Variants in UMAD1 observed in about 807,000 individuals in gnomAD.
UMAD1 encodes UBAP1-MVB12-associated (UMA) domain containing 1.
In UMAD1, 8 loss-of-function variants were observed where a neutral mutation model predicts 6.1. The observed-to-expected ratio is 1.30, with a 90% CI of 0.76 to 2.35. UMAD1 has a LOEUF of 2.35. UMAD1 is among the 30% of genes most tolerant of loss of function. UMAD1 has a pLI of 0.00. For missense variants in UMAD1, 130 were observed against 78.4 expected, an observed-to-expected ratio of 1.66 and a Z score of -2.49; for synonymous variants, 56 against 31.4, an observed-to-expected ratio of 1.78 and a Z score of -2.61.
chr7:7,687,663 G>A (rs996886127), intron 2 of UMAD1, among the ~76,000 whole-genome samples: 2 of 152,146 alleles, frequency 1.3e-5, no homozygotes, highest in African/African-American at 2.4e-5. Flanking sequence ...AACTCTGGTT[G>A]TCAGTTAAAT....
At chr7:7,710,721 G>A (rs994831862) in intron 2 of UMAD1, among the ~76,000 whole-genome samples, 4 of 152,132 alleles carry the variant, frequency 2.6e-5, no homozygotes, top group Non-Finnish European at 4.4e-5. Flanking sequence ...AATTGAAGAC[G>A]TATATGTGCA....
At chr7:7,782,687 G>A (rs942108225) in intron 2 of UMAD1, among the ~76,000 whole-genome samples, 1 of 150,722 alleles carries the variant, frequency 6.6e-6, no homozygotes, top group Non-Finnish European at 1.5e-5. Flanking sequence ...GACCGTCTGT[G>A]CCTACAAGCC....
intron 3 of UMAD1, among the ~76,000 whole-genome samples, chr7:7,847,105 ATATATATATATATAT>A (rs1452296986): frequency 1.3e-3 from 6 of 4,546 alleles, no homozygotes; most frequent in African/African-American, 3.5e-3. Context: ...AAAAAAAAAA[ATATATATATATATAT>A]ATATATATAT....
chr7:7,853,984 C>A lies in UMAD1; in HGVS notation c.157-23297C>A, dbSNP rs137974928. Among the ~76,000 whole-genome samples, 311 of 152,230 alleles carry A rather than the reference C, an allele frequency of 2.0e-3. 1 individual carries two copies. Among genetic ancestry groups the A allele is most frequent in the African/African-American group, 7.2e-3 (301 of 41,532 alleles). On this transcript the variant is annotated intron_variant, in intron 3 of 3. Coordinates refer to ENST00000682710, the MANE Select transcript of UMAD1 (RefSeq NM_001302348.2). ...TTTATCAGGTTGCTGAAGAGCCCTT[C>A]TATTCTTTCTTTGTTGGGTGTATTA... is the stretch of plus-strand genomic sequence containing the variant.
At chr7:7,675,898 G>T (rs1779727377) in intron 2 of UMAD1, among the ~76,000 whole-genome samples, 1 of 152,148 alleles carries the variant, frequency 6.6e-6, no homozygotes, top group Admixed American at 6.5e-5. Context: ...GTCTGCTGAT[G>T]CTTGTCTCTG....
chr7:7,677,890 G>A (rs1779788504), intron 2 of UMAD1, among the ~76,000 whole-genome samples: 1 of 151,224 alleles, frequency 6.6e-6, no homozygotes. Flanking sequence ...AGCCGGGATG[G>A]TCTCGATCTC....
chr7:7,854,724 C>G (rs921117712), intron 3 of UMAD1, among the ~76,000 whole-genome samples: 2 of 152,170 alleles, frequency 1.3e-5, no homozygotes, highest in Admixed American at 6.5e-5. Context: ...CCTCACATTT[C>G]AAAACACAAT....
At chr7:7,856,150 C>A (rs912152652) in intron 3 of UMAD1, among the ~76,000 whole-genome samples, 3 of 152,218 alleles carry the variant, frequency 2.0e-5, no homozygotes, top group African/African-American at 7.2e-5. Context: ...CTGCCCATTA[C>A]CCAATTCCAA....
At chr7:7,676,612 A>G (rs759501852) in intron 2 of UMAD1, among the ~76,000 whole-genome samples, 18 of 152,218 alleles carry the variant, frequency 1.2e-4, no homozygotes, top group Non-Finnish European at 2.6e-4. Flanking sequence ...GTTTTAATAA[A>G]AGAAGGTTGG....
intron 3 of UMAD1, among the ~76,000 whole-genome samples, chr7:7,853,183 T>C (rs1583873899): frequency 6.6e-6 from 1 of 152,352 alleles, no homozygotes; most frequent in South Asian, 2.1e-4. Flanking sequence ...ATTTCATTGA[T>C]CTATATCTCT....
chr7:7,651,191 A>G (rs887392245), intron 1 of UMAD1, among the ~76,000 whole-genome samples: 4 of 152,236 alleles, frequency 2.6e-5, no homozygotes, highest in African/African-American at 9.6e-5. Context: ...TCAATAAAAG[A>G]TTTCAAAAAT....
At chr7:7,854,683 TC>T (rs1403476737) in intron 3 of UMAD1, among the ~76,000 whole-genome samples, 1 of 151,966 alleles carries the variant, frequency 6.6e-6, no homozygotes, top group Non-Finnish European at 1.5e-5. Flanking sequence ...AACCATACCA[TC>T]CCACCCCTGG....
intron 2 of UMAD1, among the ~76,000 whole-genome samples, chr7:7,740,324 A>G (rs972226895): frequency 1.3e-5 from 2 of 152,212 alleles, no homozygotes; most frequent in African/African-American, 4.8e-5. Flanking sequence ...ATCCTTTGCG[A>G]TAACCTTAAA....
chr7:7,861,506 T>C (rs192952468), intron 3 of UMAD1, among the ~76,000 whole-genome samples: 29 of 152,238 alleles, frequency 1.9e-4, no homozygotes, highest in Non-Finnish European at 4.0e-4. Context: ...TGCCAAACAT[T>C]GTTTTTCTAG....
intron 1 of UMAD1, among the ~76,000 whole-genome samples, chr7:7,651,578 G>A (rs1268359053): frequency 6.6e-6 from 1 of 152,118 alleles, no homozygotes; most frequent in Non-Finnish European, 1.5e-5. Flanking sequence ...ATCTCATTCT[G>A]GTGATCTCTA....
intron 3 of UMAD1, among the ~76,000 whole-genome samples, chr7:7,846,516 A>G (rs1054726757): frequency 1.3e-5 from 2 of 152,174 alleles, no homozygotes; most frequent in Non-Finnish European, 2.9e-5. Context: ...TCACATGTAT[A>G]AAATAAATGT....
chr7:7,750,520 GC>G (rs1781657957), intron 2 of UMAD1, among the ~76,000 whole-genome samples: 1 of 152,044 alleles, frequency 6.6e-6, no homozygotes, highest in Non-Finnish European at 1.5e-5. Flanking sequence ...CTTGATTATA[GC>G]TTCTTTAATG....
intron 3 of UMAD1, among the ~76,000 whole-genome samples, chr7:7,844,362 C>T (rs1783744143): frequency 2.6e-5 from 4 of 152,056 alleles, no homozygotes; most frequent in Admixed American, 2.6e-4. Flanking sequence ...CAAGGTGGAG[C>T]TAAATGTTTA....
Position 7,802,355 on chromosome 7 carries a change from C to T in UMAD1, c.156+612C>T, listed in dbSNP as rs539600924. Among the ~76,000 whole-genome samples the T allele has an allele frequency of 1.3e-4, 19 of 146,832 alleles. No individual in the cohort carries two copies. The East Asian group carries it at 3.4e-3, about 26-fold the overall frequency. On this transcript the variant is annotated intron_variant, in intron 3 of 3. Coordinates refer to ENST00000682710, the MANE Select transcript of UMAD1 (RefSeq NM_001302348.2). ...ATCGCGCCTCTGCGCTCCTGCCTGG[C>T]GACAGAGCGAGACTCCGTCTCAAAA...
Sources: allele counts gnomAD v4.1 joint callset (sites outside exome capture counted in the v4.1 genomes callset), GRCh38; gene constraint gnomAD v4.1.1; transcripts MANE v1.5; gene names NCBI Gene and HGNC (gene_info 2026-07-23, HGNC 2026-07-21).